Variants in CENPC observed in about 807,000 individuals in gnomAD.
CENPC encodes centromere protein C.
CENPC carries 63 observed loss-of-function variants against 112.1 expected under a neutral mutation model. The observed-to-expected ratio is 0.56, with a 90% confidence interval of 0.46 to 0.69. The LOEUF (loss-of-function observed/expected upper bound fraction) is 0.69, where lower values mean the gene tolerates loss of function less well. Ranked by LOEUF, CENPC falls within the 30% of genes least tolerant of loss-of-function variation. The pLI is 0.00. For missense variants in CENPC, 1,000 were observed against 1,103.8 expected (o/e 0.91, Z 1.33); for synonymous variants, 333 against 367.6 (o/e 0.91, Z 1.08).
intron 6 of CENPC, 31 bp from the exon 7 acceptor site, chr4:67,518,399 G>T: frequency 2.0e-6 from 3 of 1,488,802 alleles, no homozygotes; most frequent in Non-Finnish European, 2.7e-6. Flanking sequence ...TAAGCTGAAT[G>T]CTCCCGTAAC....
intron 12 of CENPC, among the ~76,000 whole-genome samples, chr4:67,504,657 T>C (rs898835344): frequency 6.6e-6 from 1 of 151,672 alleles, no homozygotes; most frequent in African/African-American, 2.4e-5. Context: ...CCATCTCTAC[T>C]AAAAAGACAA....
intron 12 of CENPC, among the ~76,000 whole-genome samples, chr4:67,502,279 GTA>G (rs1457165131): frequency 1.3e-5 from 2 of 152,002 alleles, no homozygotes; most frequent in South Asian, 4.1e-4. Context: ...GACAATAAGT[GTA>G]TATATATTAA....
chr4:67,521,485 A>G (rs1726228538), intron 5 of CENPC, among the ~76,000 whole-genome samples: 1 of 152,200 alleles, frequency 6.6e-6, no homozygotes, highest in Non-Finnish European at 1.5e-5. Flanking sequence ...ACAATGAGAT[A>G]CTACATCACA....
At chr4:67,478,161 T>C (rs1277130687) in intron 17 of CENPC, among the ~76,000 whole-genome samples, 1 of 152,174 alleles carries the variant, frequency 6.6e-6, no homozygotes, top group African/African-American at 2.4e-5. Context: ...CTGGCCTTGC[T>C]AGCAATCTAG....
intron 4 of CENPC, among the ~76,000 whole-genome samples, chr4:67,534,783 T>C (rs939161668): frequency 3.9e-5 from 6 of 152,180 alleles, no homozygotes; most frequent in Admixed American, 2.6e-4. Context: ...ACTAGGCATA[T>C]AGAGCTTCCA....
intron 17 of CENPC, among the ~76,000 whole-genome samples, chr4:67,478,059 A>G (rs563913057): frequency 6.6e-6 from 1 of 152,262 alleles, no homozygotes; most frequent in East Asian, 1.9e-4. Context: ...ATTATGTTAA[A>G]CGACCACACA....
At position 67,541,018 on chromosome 4, in the gene CENPC, T is replaced by C. The variant is rs769450897; in HGVS notation, c.98A>G (p.Asn33Ser). The C allele has an allele frequency of 1.2e-6, 2 of 1,610,304 alleles. No homozygotes were observed. The highest frequency in any genetic ancestry group is 1.1e-5 in the South Asian group (1 of 90,262). The change falls in exon 3 of 19, where the codon AAT (asparagine) becomes AGT (serine). Residue 33 changes from asparagine to serine, a missense_variant. Physicochemically the swap from Asn to Ser is conservative, Grantham distance 46. Coordinates refer to ENST00000273853, the MANE Select transcript of CENPC (RefSeq NM_001812.4). ...ACAGTCTTGTAAGATTTCCAGAACA[T>C]TCTGGCCTTGCTCTGTGTTAATGTC... is the stretch of plus-strand genomic sequence containing the variant. The part of the protein sequence containing the change: ...ARDINTEQGQ[N>S]VLEILQDCFE...
At chr4:67,489,927 T>C (rs1451983812) in intron 17 of CENPC, 40 bp downstream of exon 17, 4 of 1,443,140 alleles carry the variant, frequency 2.8e-6, no homozygotes, top group Non-Finnish European at 3.7e-6. Flanking sequence ...ATCAGAGTTC[T>C]ACCAAGAGTG....
At position 67,519,276 on chromosome 4, in the gene CENPC, A is replaced by G. The variant is rs1226276463; in HGVS notation, c.558T>C (p.Phe186=). The change falls in exon 6 of 19, where the codon TTT becomes TTC. Residue 186 remains phenylalanine, a synonymous_variant. Coordinates refer to ENST00000273853, the MANE Select transcript of CENPC (RefSeq NM_001812.4). ...AAGGCAGCATATTTACTGAATTTTC[A>G]AAAGTGTAAGTCTCTCTCTTTTGGG... ...SSAQKRETYT[F]ENSVNMLPSS... is the part of the protein sequence containing the mutation. The G allele has an allele frequency of 6.2e-7, 1 of 1,607,612 alleles. No homozygotes were observed. Among genetic ancestry groups the G allele is most frequent in the Non-Finnish European group, 8.5e-7 (1 of 1,175,918 alleles).
At chr4:67,534,795 T>A (rs1013416274) in intron 4 of CENPC, among the ~76,000 whole-genome samples, 1 of 152,200 alleles carries the variant, frequency 6.6e-6, no homozygotes, top group Non-Finnish European at 1.5e-5. Context: ...GAGCTTCCAA[T>A]GTGTTTTAGT....
chr4:67,476,475 T>C (rs1016980217), intron 17 of CENPC, among the ~76,000 whole-genome samples: 3 of 134,470 alleles, frequency 2.2e-5, no homozygotes, highest in Non-Finnish European at 4.7e-5. Context: ...AATATAATAG[T>C]AGAAGCAGAG....
intron 11 of CENPC, among the ~76,000 whole-genome samples, chr4:67,505,927 T>C (rs1254832909): frequency 6.6e-6 from 1 of 152,120 alleles, no homozygotes; most frequent in Non-Finnish European, 1.5e-5. Flanking sequence ...GAAATCATCA[T>C]ATTTTAATTA....
chr4:67,492,123 C>T, intron 16 of CENPC, 57 bp downstream of exon 16: 2 of 1,156,624 alleles, frequency 1.7e-6, no homozygotes, highest in East Asian at 2.6e-5. Context: ...ATCAAGCAAG[C>T]AATATTTTCT....
intron 1 of CENPC, among the ~76,000 whole-genome samples, chr4:67,544,889 C>A (rs563211501): frequency 1.2e-4 from 18 of 152,202 alleles, no homozygotes; most frequent in Middle Eastern, 3.4e-3. Context: ...TCCCAACTAC[C>A]AAGTGTGACG....
intron 4 of CENPC, among the ~76,000 whole-genome samples, chr4:67,539,488 G>A (rs1334256140): frequency 7.2e-5 from 11 of 152,028 alleles, no homozygotes; most frequent in Non-Finnish European, 7.4e-5. Context: ...TGATTTCCCC[G>A]TATAACAATG....
intron 10 of CENPC, among the ~76,000 whole-genome samples, chr4:67,508,288 G>C (rs755835040): frequency 1.3e-4 from 20 of 151,872 alleles, no homozygotes; most frequent in Non-Finnish European, 2.8e-4. Flanking sequence ...CAAGGCAGGA[G>C]AATCACTTCA....
chr4:67,476,531 A>G (rs1200874806), intron 17 of CENPC, among the ~76,000 whole-genome samples: 1 of 152,210 alleles, frequency 6.6e-6, no homozygotes, highest in African/African-American at 2.4e-5. Context: ...AGGAAACCCA[A>G]GGAAGCCATT....
Position 67,506,838 on chromosome 4 carries a change from T to A in CENPC, c.2001A>T (p.Thr667=), listed in dbSNP as rs372244871. 5 of 1,612,218 alleles carry A rather than the reference T, an allele frequency of 3.1e-6. No homozygotes were observed. The highest frequency in any genetic ancestry group is 4.2e-6 in the Non-Finnish European group (5 of 1,179,102). The stretch of plus-strand genomic sequence containing the variant: ...GCTCTCCAGAATCCAAGTTTGACTC[T>A]GTTGGTATATTACATGTATATCCAC... ...QTSGYTCNIP[T]ESNLDSGEHK... is the part of the protein sequence containing the mutation. The change falls in exon 11 of 19, where the codon ACA becomes ACT. Residue 667 remains threonine (T), a synonymous_variant. Transcript: ENST00000273853.
intron 16 of CENPC, 93 bp from the exon 17 acceptor site, chr4:67,490,214 G>A (rs1725203579): frequency 3.5e-6 from 3 of 860,988 alleles, no homozygotes; most frequent in African/African-American, 1.8e-5. Context: ...AGTCATTTCT[G>A]GATATAAATC....
Sources: gnomAD v4.1 joint callset for allele counts (sites outside exome capture counted in the v4.1 genomes callset) on GRCh38, gnomAD v4.1.1 for gene constraint, MANE v1.5 for transcripts, NCBI Gene and HGNC (gene_info 2026-07-23, HGNC 2026-07-21) for gene names.